The following DNAH12 variants were observed in gnomAD, a reference collection of about 807,000 sequenced individuals.
DNAH12 encodes the protein dynein axonemal heavy chain 12.
In DNAH12, 285 loss-of-function variants were observed where a neutral mutation model predicts 371.5. The ratio of observed to expected loss-of-function variants is 0.77; its 90% CI spans 0.70 to 0.85. The LOEUF (loss-of-function observed/expected upper bound fraction) is 0.85, where lower values mean the gene tolerates loss of function less well. Among genes scored for constraint, DNAH12 ranks in the 40% least tolerant of loss-of-function variants. The pLI, the probability that DNAH12 is intolerant of heterozygous loss-of-function variation, is 0.00. For missense variants in DNAH12, 3,611 were observed against 3,689.4 expected, an observed-to-expected ratio of 0.98 and a Z score of 0.55; for synonymous variants, 1,200 against 1,213.0, an observed-to-expected ratio of 0.99 and a Z score of 0.22.
At chr3:57,314,784 C>G (rs921103523) in intron 65 of DNAH12, among the ~76,000 whole-genome samples, 153 bp from the exon 66 acceptor site, 5 of 152,170 alleles carry the variant, frequency 3.3e-5, no homozygotes, top group Non-Finnish European at 7.3e-5. Context: ...TAAAATAATA[C>G]TTACTATAAA....
intron 68 of DNAH12, 78 bp from the exon 69 acceptor site, chr3:57,309,332 A>C: frequency 9.0e-7 from 1 of 1,105,898 alleles, no homozygotes; most frequent in Non-Finnish European, 1.3e-6. Context: ...ATATAATAAT[A>C]GCTAATACTA....
chr3:57,500,559 G>A (rs538043393), intron 11 of DNAH12, among the ~76,000 whole-genome samples: 5 of 151,986 alleles, frequency 3.3e-5, no homozygotes, highest in African/African-American at 1.2e-4. Context: ...TGAACACCCT[G>A]GTTCATGCTA....
intron 69 of DNAH12, among the ~76,000 whole-genome samples, chr3:57,305,261 C>T (rs1228927170): frequency 6.6e-6 from 1 of 152,020 alleles, no homozygotes. Context: ...CCTCTCACCT[C>T]TCCCCTCAAT....
intron 4 of DNAH12, chr3:57,512,303 T>C (rs929166425): frequency 6.6e-6 from 1 of 152,162 alleles, no homozygotes; most frequent in Admixed American, 6.5e-5. Context: ...GTTAAATTTA[T>C]AGAAACAGAA....
chr3:57,488,712 A>G (rs1278588243), intron 12 of DNAH12, among the ~76,000 whole-genome samples: 2 of 152,218 alleles, frequency 1.3e-5, no homozygotes, highest in Non-Finnish European at 2.9e-5. Context: ...TAGGTGCTAT[A>G]CATACATTAG....
chr3:57,475,836 G>T (rs1041433544), intron 13 of DNAH12, among the ~76,000 whole-genome samples: 1 of 152,140 alleles, frequency 6.6e-6, no homozygotes. Flanking sequence ...GCTAATAGGA[G>T]TCTAAAACTG....
intron 25 of DNAH12, among the ~76,000 whole-genome samples, chr3:57,448,629 G>A (rs984266062): frequency 1.3e-5 from 2 of 152,188 alleles, no homozygotes; most frequent in Admixed American, 6.5e-5. Flanking sequence ...GCCAATGCTG[G>A]CTCAGGCAGC....
chr3:57,542,472 C>T (rs1439249631), intron 2 of DNAH12, among the ~76,000 whole-genome samples: 1 of 152,084 alleles, frequency 6.6e-6, no homozygotes, highest in Non-Finnish European at 1.5e-5. Context: ...ATAGTACCTA[C>T]CTTATAGGAT....
At chr3:57,374,682 G>A (rs2063244842) in intron 55 of DNAH12, among the ~76,000 whole-genome samples, 1 of 151,994 alleles carries the variant, frequency 6.6e-6, no homozygotes, top group South Asian at 2.1e-4. Context: ...CATAAACAGT[G>A]ATATATTCAT....
At chr3:57,493,879 T>G (rs775292873) in intron 11 of DNAH12, 1 of 151,944 alleles carries the variant, frequency 6.6e-6, no homozygotes, top group East Asian at 1.9e-4. Flanking sequence ...TCATAAGGCA[T>G]GTCTAGGAAA....
chr3:57,323,796 G>A (rs1307975129), intron 62 of DNAH12, among the ~76,000 whole-genome samples, 177 bp from the exon 63 acceptor site: 8 of 152,108 alleles, frequency 5.3e-5, no homozygotes, highest in Non-Finnish European at 1.0e-4. Flanking sequence ...ATTTATAGGA[G>A]AAGACTATCC....
chr3:57,346,126 C>T (rs782429781), intron 60 of DNAH12, among the ~76,000 whole-genome samples: 6 of 151,968 alleles, frequency 3.9e-5, no homozygotes, highest in Non-Finnish European at 8.8e-5. Context: ...ATCACTATAA[C>T]CTGTATGTTC....
chr3:57,423,872 G>A (rs1214071491), intron 35 of DNAH12, among the ~76,000 whole-genome samples: 2 of 151,766 alleles, frequency 1.3e-5, no homozygotes, highest in Admixed American at 1.3e-4. Flanking sequence ...CTGAGTAACT[G>A]GGACTACAGG....
chr3:57,415,245 T>G (rs1394293085), intron 38 of DNAH12, among the ~76,000 whole-genome samples, 181 bp downstream of exon 38: 1 of 152,174 alleles, frequency 6.6e-6, no homozygotes, highest in East Asian at 1.9e-4. Context: ...AACCCACTAT[T>G]AACGTAAAAA....
chr3:57,550,880 A>ATT, the DNAH12 span, among the ~76,000 whole-genome samples: 816 of 136,860 alleles, frequency 6.0e-3, 7 homozygotes, highest in African/African-American at 0.02. Context: ...GCTAGAAACA[A>ATT]TTTTTTTTTT....
At chr3:57,450,902 A>C (rs774005682) in intron 25 of DNAH12, among the ~76,000 whole-genome samples, 2 of 152,176 alleles carry the variant, frequency 1.3e-5, no homozygotes, top group Non-Finnish European at 2.9e-5. Context: ...TTTTCTCCTT[A>C]TCAGCAAGAA....
chr3:57,495,751 A>T (rs1360930672), intron 11 of DNAH12, among the ~76,000 whole-genome samples: 6 of 144,106 alleles, frequency 4.2e-5, no homozygotes, highest in Non-Finnish European at 7.6e-5. Context: ...GAATATTTTT[A>T]TATATTTATA....
At chr3:57,535,129 G>A (rs1383377716) in intron 2 of DNAH12, among the ~76,000 whole-genome samples, 1 of 152,212 alleles carries the variant, frequency 6.6e-6, no homozygotes, top group Non-Finnish European at 1.5e-5. Context: ...TGCAGAGATG[G>A]TATATGAACT....
chr3:57,507,120 A>G (rs1451059235), intron 8 of DNAH12, among the ~76,000 whole-genome samples: 1 of 151,986 alleles, frequency 6.6e-6, no homozygotes, highest in Non-Finnish European at 1.5e-5. Flanking sequence ...CTTCAAAACT[A>G]TTTTTCTAGA....
Sources: gnomAD v4.1 joint callset for allele counts (sites outside exome capture counted in the v4.1 genomes callset) on GRCh38, gnomAD v4.1.1 for gene constraint, MANE v1.5 for transcripts, NCBI Gene and HGNC (gene_info 2026-07-23, HGNC 2026-07-21) for gene names.